The following ZBTB10 variants were observed in gnomAD, a reference collection of about 807,000 sequenced individuals.
ZBTB10 encodes zinc finger and BTB domain containing 10.
Under a neutral mutation model 76.4 loss-of-function variants are expected in ZBTB10, and 32 were observed. The ratio of observed to expected loss-of-function variants is 0.42; its 90% confidence interval spans 0.32 to 0.56. ZBTB10 has a LOEUF of 0.56. Ranked by LOEUF, ZBTB10 falls within the 20% of genes least tolerant of loss-of-function variation. ZBTB10 has a pLI of 0.14. For missense variants in ZBTB10, 1,057 were observed against 1,098.5 expected (o/e 0.96, Z 0.53); for synonymous variants, 523 against 432.9 (o/e 1.21, Z -2.58).
In ZBTB10 at chr8:80,487,244, C is replaced by T. The variant is rs1031312770; in HGVS notation, c.434C>T (p.Thr145Ile). Residue 145 changes from threonine to isoleucine, a missense_variant, in exon 1 of 6, where the codon ACC (threonine) becomes ATC (isoleucine). By Grantham distance (89) the Thr-to-Ile change is moderately conservative. Transcript: ENST00000455036. ...GGCAGTAGCCGCGGCCGCCCCGAGA[C>T]CTCGGTGTGGCCCTTGAGGCATTTC... is the stretch of plus-strand genomic sequence containing the variant. ...NNGSSRGRPE[T>I]SVWPLRHFNG... The T allele has an allele frequency of 2.6e-6, 4 of 1,549,876 alleles. No homozygotes were observed. Among genetic ancestry groups the T allele is most frequent in the Non-Finnish European group, 3.5e-6 (4 of 1,149,432 alleles).
Position 80,519,306 on chromosome 8 carries a change from A to G in ZBTB10, c.2394A>G (p.Gly798=). ...MLAASVGIRH[G]SRRYGVCVDC... Reference sequence around the variant, plus strand: ...CAGCCAGTGTTGGAATAAGACATGGATCTCGACGTTATGGTGTTTGTGTAG... The same window carrying G: ...CAGCCAGTGTTGGAATAAGACATGGGTCTCGACGTTATGGTGTTTGTGTAG... The change falls in exon 6 of 6, where the codon GGA becomes GGG. Residue 798 remains glycine (G), a synonymous_variant. Transcript: ENST00000455036. The G allele has an allele frequency of 6.2e-7, 1 of 1,613,852 alleles. No homozygotes were observed. The highest frequency in any genetic ancestry group is 8.5e-7 in the Non-Finnish European group (1 of 1,179,804).
At chr8:80,485,968 G>T, upstream of ZBTB10, 2 of 1,344,596 alleles carry the variant, frequency 1.5e-6, no homozygotes, top group African/African-American at 1.5e-5. Context: ...GGCCGCACAC[G>T]CCCGCCCCCT....
At chr8:80,487,903 C>A in intron 1 of ZBTB10, 121 bp downstream of exon 1, 1 of 1,183,612 alleles carries the variant, frequency 8.4e-7, no homozygotes, top group Non-Finnish European at 1.1e-6. Context: ...GTGAAGACAT[C>A]GTTCCAGTTG....
intron 1 of ZBTB10, among the ~76,000 whole-genome samples, chr8:80,495,417 T>G (rs73257152): frequency 0.086 from 12,985 of 151,050 alleles, 1,131 homozygotes; most frequent in African/African-American, 0.22. Flanking sequence ...TTTTGTTGTT[T>G]TTTTTTTTTT....
chr8:80,488,324 TAG>T (rs1373254590), intron 1 of ZBTB10, among the ~76,000 whole-genome samples: 1 of 152,252 alleles, frequency 6.6e-6, no homozygotes, highest in African/African-American at 2.4e-5. Context: ...TATGTAAATG[TAG>T]AGAATGCTAT....
chr8:80,523,612 G>A lies in ZBTB10; in HGVS notation c.*4084G>A, dbSNP rs569704711. On this transcript the variant is annotated 3_prime_UTR_variant, in exon 6 of 6. Transcript: ENST00000455036. ...GTTTAGTCACTTTAGGACTTAAAAT[G>A]GAAAGTTTTTTTTTTTTTCCTGCTG... The A allele has an allele frequency of 4.7e-5, 6 of 128,326 alleles. No individual in the cohort carries two copies. In the South Asian group the frequency reaches 1.4e-3, roughly 30 times the overall value. The allele number at this position is 128,326 out of a possible 1,614,324, so 7.9% of individuals were successfully genotyped here. A position where few individuals can be genotyped will look rare whatever the true frequency, so the allele number is the denominator to read the frequency against.
rs1427100374 is a variant in ZBTB10, at chr8:80,487,308, C to T, written c.498C>T (p.Asp166=). 2 of 1,545,130 alleles carry T rather than the reference C, an allele frequency of 1.3e-6. No individual in the cohort carries two copies. Among genetic ancestry groups the T allele is most frequent in the East Asian group, 2.5e-5 (1 of 40,814 alleles). The change falls in exon 1 of 6, where the codon GAC becomes GAT. Residue 166 remains aspartate, a synonymous_variant. Transcript: ENST00000455036. ...RGPATVDLEL[D]ALEGKELMQD... is the part of the protein sequence containing the mutation. The stretch of plus-strand genomic sequence containing the variant: ...CGGCGACTGTGGATCTGGAGCTGGA[C>T]GCGCTGGAGGGGAAGGAGTTGATGC...
At chr8:80,489,352 G>T (rs1815565470) in intron 1 of ZBTB10, among the ~76,000 whole-genome samples, 1 of 152,220 alleles carries the variant, frequency 6.6e-6, no homozygotes, top group African/African-American at 2.4e-5. Context: ...AAAGGGTTAA[G>T]TAACATTCCT....
chr8:80,523,062 G>A lies in ZBTB10; in HGVS notation c.*3534G>A, dbSNP rs2131525650. ...TTTTTTTTGAGTGCCCACACTTGCCGTTGTGCTGTATACATGATTTTACCT... is the reference window on the plus strand; with the variant it reads ...TTTTTTTTGAGTGCCCACACTTGCCATTGTGCTGTATACATGATTTTACCT... On this transcript the variant is annotated 3_prime_UTR_variant, in exon 6 of 6. Coordinates refer to ENST00000455036, the MANE Select transcript of ZBTB10 (RefSeq NM_001105539.3). 6.6e-6 allele frequency: 1 copy of A among 151,500 alleles called. No homozygotes were observed. Among genetic ancestry groups the A allele is most frequent in the Non-Finnish European group, 1.5e-5 (1 of 67,760 alleles). The allele number at this position is 151,500 out of a possible 1,614,324, so 9.4% of individuals were successfully genotyped here. A position where few individuals can be genotyped will look rare whatever the true frequency, so the allele number is the denominator to read the frequency against.
Position 80,486,655 on chromosome 8 carries a change from C to T in ZBTB10, c.-156C>T, listed in dbSNP as rs1004188020. ...CAGCAGACCCGGGAGCGAGCGCGAG[C>T]CGGGCTGCCGGGCGAGAGGGCGAGG... On this transcript the variant is annotated 5_prime_UTR_variant, in exon 1 of 6. Transcript: ENST00000455036. 27 of 987,528 alleles carry T rather than the reference C, an allele frequency of 2.7e-5. No individual in the cohort carries two copies. The Admixed American group carries it at 1.2e-3, about 43-fold the overall frequency. 61.2% of individuals were successfully genotyped at this position (987,528 alleles called of 1,614,324 possible).
At chr8:80,511,926 G>A (rs1319925827) in intron 2 of ZBTB10, among the ~76,000 whole-genome samples, 1 of 152,004 alleles carries the variant, frequency 6.6e-6, no homozygotes, top group Non-Finnish European at 1.5e-5. Flanking sequence ...ATTTTTAAAA[G>A]CCTTTTATTT....
rs1815879403 is a variant in ZBTB10 at position 80,499,976 on chromosome 8, T to A, written c.1455T>A (p.Val485=). 1.2e-6 allele frequency: 2 copies of A among 1,613,898 alleles called. No individual in the cohort carries two copies. Among genetic ancestry groups the A allele is most frequent in the African/African-American group, 2.7e-5 (2 of 75,028 alleles). The change falls in exon 2 of 6, where the codon GTT becomes GTA. Residue 485 remains valine (V), a synonymous_variant. Transcript: ENST00000455036. The part of the protein sequence containing the change: ...VVVDYNNRKP[V]NRDGLSSSRD... ...TGGACTATAATAATAGAAAACCAGT[T>A]AATAGAGATGGTCTGTCTTCATCAC... is the stretch of plus-strand genomic sequence containing the variant.
chr8:80,500,149 C>T lies in ZBTB10; in HGVS notation c.1628C>T (p.Ser543Phe), dbSNP rs370834361. ...GACAGTAGTTGGGTCCAGGATGGAT[C>T]TCCTGAAATGGCTGAAAATGAATCT... is the stretch of plus-strand genomic sequence containing the variant. ...MNDSSWVQDG[S>F]PEMAENESEG... is the part of the protein sequence containing the mutation. The change falls in exon 2 of 6, where the codon TCT (serine) becomes TTT (phenylalanine). Residue 543 changes from serine to phenylalanine, a missense_variant. By Grantham distance (155) the Ser-to-Phe change is radical (BLOSUM62 -2). Around this residue, in one of 5 missense-constraint regions of ZBTB10, gnomAD observed 306 missense variants for 297.5 expected, o/e 1.03. Transcript: ENST00000455036. The T allele has an allele frequency of 6.2e-7, 1 of 1,613,458 alleles. No homozygotes were observed. The highest frequency in any genetic ancestry group is 1.1e-5 in the South Asian group (1 of 91,022).
At position 80,486,485 on chromosome 8, in the gene ZBTB10, C is replaced by T. The variant is rs1434636868; in HGVS notation, c.-326C>T. 2.0e-6 allele frequency: 2 copies of T among 985,188 alleles called. No individual in the cohort carries two copies. The highest frequency in any genetic ancestry group is 5.2e-4 in the Middle Eastern group (1 of 1,934). 61.0% of individuals were successfully genotyped at this position (985,188 alleles called of 1,614,324 possible). A position where few individuals can be genotyped will look rare whatever the true frequency, so the allele number is the denominator to read the frequency against. On this transcript the variant is annotated 5_prime_UTR_variant, in exon 1 of 6. Transcript: ENST00000455036. ...CCGCTGCTCAACTTCGAAGGCCTCGCTCGCTGCAGGCTCGCTCCTCACCTC... is the reference window on the plus strand; with the variant it reads ...CCGCTGCTCAACTTCGAAGGCCTCGTTCGCTGCAGGCTCGCTCCTCACCTC...
rs370309291 is a variant in ZBTB10, at chr8:80,493,665, A to T, written c.973-5829A>T. On this transcript the variant is annotated intron_variant, in intron 1 of 5. Coordinates refer to ENST00000455036, the MANE Select transcript of ZBTB10 (RefSeq NM_001105539.3). ...AACCCCGTCTCTAATTTAAAAACAA[A>T]ACAAAAAAAAAAAACCGAGCCGGGC... 1.2e-3 allele frequency among the ~76,000 whole-genome samples: 178 copies of T among 145,730 alleles called. 2 individuals carry two copies. The highest frequency in any genetic ancestry group is 4.5e-3 in the African/African-American group (175 of 38,516).
At chr8:80,495,986 C>T (rs1815772791) in intron 1 of ZBTB10, among the ~76,000 whole-genome samples, 1 of 152,154 alleles carries the variant, frequency 6.6e-6, no homozygotes, top group Non-Finnish European at 1.5e-5. Flanking sequence ...AATGTCTGAG[C>T]TAATTGTGTT....
intron 2 of ZBTB10, among the ~76,000 whole-genome samples, chr8:80,510,646 GT>G (rs56745014): frequency 0.056 from 8,179 of 145,324 alleles, 299 homozygotes; most frequent in South Asian, 0.13. Flanking sequence ...ACCAGTGTGT[GT>G]GTGTGTGTGT....
Position 80,519,490 on chromosome 8 carries a change from G to A in ZBTB10, c.2578G>A (p.Asp860Asn), listed in dbSNP as rs1249622147. The change falls in exon 6 of 6, where the codon GAT (aspartate) becomes AAT (asparagine). Residue 860 changes from aspartate (D) to asparagine (N), a missense_variant. This residue lies in a region of ZBTB10 where 55 missense variants were observed against 65.5 expected (regional missense o/e 0.84). Transcript: ENST00000455036. ...AGATCAGAATGATCCCTCTCGATGG[G>A]ATGAATCAGGAGAAGTTTGTATGTC... ...GEDQNDPSRW[D>N]ESGEVCMSLD... 6.2e-7 allele frequency: 1 copy of A among 1,611,620 alleles called. No homozygotes were observed. The highest frequency in any genetic ancestry group is 8.5e-7 in the Non-Finnish European group (1 of 1,179,024).
intron 2 of ZBTB10, among the ~76,000 whole-genome samples, chr8:80,503,406 A>G (rs759122472): frequency 1.3e-5 from 2 of 152,216 alleles, no homozygotes; most frequent in Admixed American, 6.5e-5. Context: ...CTTCCAGTGT[A>G]GGATGACTGA....
Sources: allele counts gnomAD v4.1 joint callset (sites outside exome capture counted in the v4.1 genomes callset), GRCh38; gene constraint gnomAD v4.1.1; regional missense constraint gnomAD v4.1.1; transcripts MANE v1.5; gene names NCBI Gene and HGNC (gene_info 2026-07-23, HGNC 2026-07-21).